Variants in GRIA1 observed in about 807,000 individuals in gnomAD.
GRIA1 encodes the protein glutamate receptor 1.
In GRIA1, 31 loss-of-function variants were observed where a neutral mutation model predicts 99.2. That is an observed-to-expected ratio of 0.31 (90% confidence interval 0.23 to 0.42). The LOEUF is 0.42. Ranked by LOEUF, GRIA1 falls within the 10% of genes least tolerant of loss-of-function variation. The pLI is 1.00. For missense variants in GRIA1, 782 were observed against 1,157.5 expected, an observed-to-expected ratio of 0.68 and a Z score of 4.71; for synonymous variants, 438 against 432.4, an observed-to-expected ratio of 1.01 and a Z score of -0.16.
rs576631827 is a variant in GRIA1, at chr5:153,754,048, T to C, written c.1824-10386T>C. Among the ~76,000 whole-genome samples, 6 of 152,260 alleles carry C rather than the reference T, an allele frequency of 3.9e-5. No individual in the cohort carries two copies. The East Asian group carries it at 7.7e-4, about 20-fold the overall frequency. On this transcript the variant is annotated intron_variant, in intron 11 of 15. Coordinates refer to ENST00000285900, the MANE Select transcript of GRIA1 (RefSeq NM_000827.4). The stretch of plus-strand genomic sequence containing the variant: ...GAAGGAGGGTAAGTCTCACCTATTA[T>C]ACAGAGCAGGAAGACAGAGGCCCAG...
chr5:153,794,666 T>C lies in GRIA1; in HGVS notation c.2316T>C (p.Leu772=). 1 of 1,613,832 alleles carries C rather than the reference T, an allele frequency of 6.2e-7. No homozygotes were observed. Among genetic ancestry groups the C allele is most frequent in the East Asian group, 2.2e-5 (1 of 44,860 alleles). The stretch of plus-strand genomic sequence containing the variant: ...TGTTAAAACTGAACGAGCAGGGGCT[T>C]TTGGACAAATTGAAAAACAAATGGT... ...LAVLKLNEQG[L]LDKLKNKWWY... The change falls in exon 14 of 16, where the codon CTT becomes CTC. Residue 772 remains leucine (L), a synonymous_variant. Coordinates refer to ENST00000285900, the MANE Select transcript of GRIA1 (RefSeq NM_000827.4).
intron 11 of GRIA1, among the ~76,000 whole-genome samples, chr5:153,761,301 T>C (rs1379983017): frequency 2.6e-5 from 4 of 152,100 alleles, no homozygotes; most frequent in African/African-American, 4.8e-5. Context: ...ATATTCAAAA[T>C]ATATAAGGAC....
chr5:153,493,898 T>C (rs780409251), intron 1 of GRIA1, 30 bp from the exon 2 acceptor site: 7 of 1,613,086 alleles, frequency 4.3e-6, no homozygotes, highest in Non-Finnish European at 5.9e-6. Context: ...CTCTAGCCCA[T>C]ATACCATGTT....
rs538826787 is a variant in GRIA1 at position 153,498,423 on chromosome 5, A to T, written c.220+4358A>T. ...AGTTTAGTGTTGAGAACACTTGGAAATGCCTCTAATACAAATGAATAAATG... is the reference window on the plus strand; with the variant it reads ...AGTTTAGTGTTGAGAACACTTGGAATTGCCTCTAATACAAATGAATAAATG... On this transcript the variant is annotated intron_variant, in intron 2 of 15. Transcript: ENST00000285900. Among the ~76,000 whole-genome samples the T allele has an allele frequency of 2.6e-5, 4 of 152,348 alleles. No individual in the cohort carries two copies. The South Asian group carries it at 8.3e-4, about 32-fold the overall frequency.
chr5:153,528,993 C>T (rs562330364), intron 2 of GRIA1, among the ~76,000 whole-genome samples: 33 of 152,292 alleles, frequency 2.2e-4, no homozygotes, highest in African/African-American at 7.9e-4. Context: ...ACCTCAAGAA[C>T]TTGATTAGTG....
upstream of GRIA1, chr5:153,490,257 C>T: frequency 5.7e-6 from 1 of 174,364 alleles, no homozygotes. Flanking sequence ...TGGGGACCCC[C>T]TGCCACCTAC....
chr5:153,541,745 C>T (rs1339082831), intron 2 of GRIA1, among the ~76,000 whole-genome samples: 1 of 151,952 alleles, frequency 6.6e-6, no homozygotes, highest in African/African-American at 2.4e-5. Context: ...TCCTGGCCAA[C>T]ATAGTGAAAC....
intron 11 of GRIA1, among the ~76,000 whole-genome samples, chr5:153,706,539 T>A (rs1758909117): frequency 6.6e-6 from 1 of 152,248 alleles, no homozygotes; most frequent in Admixed American, 6.5e-5. Flanking sequence ...GTTACACAGC[T>A]AGTAGGCAAG....
chr5:153,578,724 T>C (rs566879398), intron 2 of GRIA1, among the ~76,000 whole-genome samples: 2 of 152,270 alleles, frequency 1.3e-5, no homozygotes, highest in East Asian at 3.9e-4. Context: ...CTGGCCAGCA[T>C]GGTGAAACCC....
intron 5 of GRIA1, among the ~76,000 whole-genome samples, chr5:153,671,294 A>C (rs1163071097): frequency 6.6e-6 from 1 of 152,228 alleles, no homozygotes; most frequent in Non-Finnish European, 1.5e-5. Context: ...ACCTTGTTAC[A>C]GATTTTCAAG....
intron 2 of GRIA1, among the ~76,000 whole-genome samples, chr5:153,570,431 G>A (rs929361065): frequency 1.2e-4 from 18 of 152,174 alleles, no homozygotes; most frequent in Non-Finnish European, 2.5e-4. Context: ...CAATCCATTT[G>A]AGTTTACAAA....
chr5:153,790,197 T>G (rs1257216236), intron 13 of GRIA1, among the ~76,000 whole-genome samples: 1 of 152,178 alleles, frequency 6.6e-6, no homozygotes, highest in African/African-American at 2.4e-5. Flanking sequence ...GGAAGAAGTT[T>G]ATAACAAAAG....
chr5:153,715,912 C>A (rs1157501307), intron 11 of GRIA1, among the ~76,000 whole-genome samples: 1 of 152,168 alleles, frequency 6.6e-6, no homozygotes, highest in Non-Finnish European at 1.5e-5. Flanking sequence ...GGAGAATTTC[C>A]AGCTGTCACT....
chr5:153,705,662 ATT>A (rs70978505), intron 10 of GRIA1, 33 bp from the exon 11 acceptor site: 21,520 of 749,190 alleles, frequency 0.029, 7 homozygotes, highest in Non-Finnish European at 0.035. Context: ...GCTCACCTGC[ATT>A]TTTTTTTTTT....
At chr5:153,596,906 G>T (rs966079381) in intron 2 of GRIA1, among the ~76,000 whole-genome samples, 1 of 152,220 alleles carries the variant, frequency 6.6e-6, no homozygotes, top group Non-Finnish European at 1.5e-5. Flanking sequence ...GCCGGTGCTA[G>T]TGCCACTCAG....
intron 2 of GRIA1, among the ~76,000 whole-genome samples, chr5:153,601,482 T>A (rs1322366979): frequency 6.6e-6 from 1 of 152,242 alleles, no homozygotes; most frequent in Admixed American, 6.5e-5. Flanking sequence ...GACATGAAGG[T>A]CTTGGGATTA....
chr5:153,557,128 G>C (rs1388276746), intron 2 of GRIA1, among the ~76,000 whole-genome samples: 1 of 152,220 alleles, frequency 6.6e-6, no homozygotes, highest in Non-Finnish European at 1.5e-5. Flanking sequence ...GGAGCTTGCA[G>C]AACTGGACGT....
chr5:153,677,622 A>G (rs1182790783), intron 7 of GRIA1, among the ~76,000 whole-genome samples: 1 of 152,240 alleles, frequency 6.6e-6, no homozygotes, highest in East Asian at 1.9e-4. Context: ...GCTTCTCAGC[A>G]TTTCATTCAT....
intron 11 of GRIA1, among the ~76,000 whole-genome samples, chr5:153,716,559 C>T (rs2149533869): frequency 6.6e-6 from 1 of 152,046 alleles, no homozygotes; most frequent in East Asian, 1.9e-4. Context: ...AGGCGAGCAC[C>T]CAGGAGAACA....
Sources: allele counts gnomAD v4.1 joint callset (sites outside exome capture counted in the v4.1 genomes callset), GRCh38; gene constraint gnomAD v4.1.1; transcripts MANE v1.5; gene names NCBI Gene and HGNC (gene_info 2026-07-23, HGNC 2026-07-21).